TMEM132D: variants seen among roughly 807,000 people sequenced by gnomAD.
The protein encoded by TMEM132D is transmembrane protein 132D, also known as mature OL transmembrane protein.
TMEM132D carries 21 observed loss-of-function variants against 62.3 expected under a neutral mutation model. The ratio of observed to expected loss-of-function variants is 0.34; its 90% CI spans 0.24 to 0.49. TMEM132D has a LOEUF of 0.49. TMEM132D is among the 20% of genes least tolerant of loss of function. The pLI, the probability that TMEM132D is intolerant of heterozygous loss-of-function variation, is 0.99. For synonymous variants in TMEM132D, 621 were observed against 575.6 expected, an observed-to-expected ratio of 1.08 and a Z score of -1.13; for missense variants, 1,346 against 1,402.8, an observed-to-expected ratio of 0.96 and a Z score of 0.65.
intron 3 of TMEM132D, among the ~76,000 whole-genome samples, chr12:129,506,083 C>A (rs1480592040): frequency 6.6e-6 from 1 of 152,084 alleles, no homozygotes; most frequent in Non-Finnish European, 1.5e-5. Context: ...TGCCTGAATA[C>A]CTTGTTTTTT....
At chr12:129,721,528 C>T (rs549102180) in intron 1 of TMEM132D, among the ~76,000 whole-genome samples, 2 of 152,262 alleles carry the variant, frequency 1.3e-5, no homozygotes, top group Admixed American at 1.3e-4. Flanking sequence ...CTGGGAGGGG[C>T]CAGTGGGCAG....
intron 2 of TMEM132D, among the ~76,000 whole-genome samples, chr12:129,694,097 C>T (rs1256591684): frequency 2.0e-5 from 3 of 152,210 alleles, no homozygotes; most frequent in Admixed American, 6.5e-5. Flanking sequence ...CTCTATGGTG[C>T]ATTTCCTTTG....
chr12:129,271,719 G>A (rs539580548), intron 4 of TMEM132D, among the ~76,000 whole-genome samples: 1 of 151,940 alleles, frequency 6.6e-6, no homozygotes, highest in South Asian at 2.1e-4. Context: ...CTTTATCCAT[G>A]TCTCTGCAAA....
At chr12:129,250,628 A>G (rs149176787) in intron 4 of TMEM132D, among the ~76,000 whole-genome samples, 2 of 152,290 alleles carry the variant, frequency 1.3e-5, no homozygotes, top group African/African-American at 2.4e-5. Flanking sequence ...GCTTAATACA[A>G]TGTGTGATTC....
chr12:129,321,638 G>C (rs1292354557), intron 4 of TMEM132D, among the ~76,000 whole-genome samples: 1 of 151,794 alleles, frequency 6.6e-6, no homozygotes, highest in Non-Finnish European at 1.5e-5. Flanking sequence ...CTCACTGCAA[G>C]CTCCACCTCC....
intron 2 of TMEM132D, among the ~76,000 whole-genome samples, chr12:129,576,855 A>G (rs1207378909): frequency 2.0e-5 from 3 of 151,982 alleles, no homozygotes; most frequent in Non-Finnish European, 2.9e-5. Context: ...GAACGCTCGG[A>G]AAATCATAAG....
rs1184649538 is a variant in TMEM132D at position 129,398,830 on chromosome 12, G to C, written c.1116-61013C>G. 2.2e-4 allele frequency among the ~76,000 whole-genome samples: 29 copies of C among 133,906 alleles called. No homozygotes were observed. In the Admixed American group the frequency reaches 2.2e-3, roughly 10 times the overall value. The allele number at this position is 133,906 out of a possible 152,430, so 87.8% of individuals were successfully genotyped here. On this transcript the variant is annotated intron_variant, in intron 3 of 8. Coordinates refer to ENST00000422113, the MANE Select transcript of TMEM132D (RefSeq NM_133448.3). ...TCTTAGACAATGCATATCTATTTAT[G>C]TATTCATCCATCCATCCATCCATCC...
At chr12:129,516,304 G>A (rs1332744960) in intron 3 of TMEM132D, among the ~76,000 whole-genome samples, 1 of 152,162 alleles carries the variant, frequency 6.6e-6, no homozygotes, top group African/African-American at 2.4e-5. Context: ...CTCTGAACCT[G>A]CCTCCCCAGT....
intron 4 of TMEM132D, among the ~76,000 whole-genome samples, chr12:129,244,372 C>A (rs1247193669): frequency 1.8e-5 from 2 of 113,504 alleles, no homozygotes; most frequent in Non-Finnish European, 3.5e-5. Flanking sequence ...GGCGACAGAG[C>A]GAGACTCTGT....
At chr12:129,458,376 G>C (rs976294078) in intron 3 of TMEM132D, among the ~76,000 whole-genome samples, 15 of 149,364 alleles carry the variant, frequency 1.0e-4, no homozygotes, top group African/African-American at 3.7e-4. Flanking sequence ...GCTAGCATTT[G>C]CCTATATCAG....
chr12:129,627,983 T>C (rs534518781), intron 2 of TMEM132D, among the ~76,000 whole-genome samples: 3 of 152,276 alleles, frequency 2.0e-5, no homozygotes, highest in South Asian at 4.1e-4. Flanking sequence ...TGAGATCTTG[T>C]CTCCAAAAAA....
At chr12:129,710,282 A>G (rs184852329) in intron 1 of TMEM132D, among the ~76,000 whole-genome samples, 1 of 149,150 alleles carries the variant, frequency 6.7e-6, no homozygotes, top group Non-Finnish European at 1.5e-5. Context: ...GTCATTATTA[A>G]TTTTTATTTA....
At chr12:129,165,255 T>A (rs1328455655) in intron 5 of TMEM132D, among the ~76,000 whole-genome samples, 1 of 152,134 alleles carries the variant, frequency 6.6e-6, no homozygotes, top group Non-Finnish European at 1.5e-5. Context: ...TCTGCAGCAG[T>A]GGTAGTGATG....
intron 1 of TMEM132D, among the ~76,000 whole-genome samples, chr12:129,765,207 G>A (rs1042728071): frequency 6.6e-6 from 1 of 152,210 alleles, no homozygotes; most frequent in African/African-American, 2.4e-5. Flanking sequence ...TGATTCTGTG[G>A]AGGCAATTCT....
chr12:129,547,901 G>A (rs1464160607), intron 2 of TMEM132D, among the ~76,000 whole-genome samples: 5 of 152,156 alleles, frequency 3.3e-5, no homozygotes, highest in African/African-American at 9.6e-5. Flanking sequence ...GTGGGCGGCC[G>A]ACTCCAGGAG....
At chr12:129,866,933 A>G (rs1265562526) in intron 1 of TMEM132D, among the ~76,000 whole-genome samples, 1 of 152,150 alleles carries the variant, frequency 6.6e-6, no homozygotes, top group Non-Finnish European at 1.5e-5. Context: ...GTATATATAC[A>G]TGGAATATTA....
At chr12:129,257,865 G>A (rs1231602777) in intron 4 of TMEM132D, among the ~76,000 whole-genome samples, 1 of 152,188 alleles carries the variant, frequency 6.6e-6, no homozygotes, top group South Asian at 2.1e-4. Context: ...AGACCCTAGT[G>A]ACATTGCTTG....
intron 4 of TMEM132D, among the ~76,000 whole-genome samples, chr12:129,265,209 C>A (rs1404032728): frequency 6.6e-6 from 1 of 152,164 alleles, no homozygotes; most frequent in East Asian, 1.9e-4. Context: ...ATGGACCAGC[C>A]AGGGTCATGT....
At chr12:129,652,896 C>T (rs1879967650) in intron 2 of TMEM132D, among the ~76,000 whole-genome samples, 1 of 152,228 alleles carries the variant, frequency 6.6e-6, no homozygotes, top group Admixed American at 6.5e-5. Flanking sequence ...TGTCTGTTCA[C>T]ATGGTCTCTG....
Sources: gnomAD v4.1 joint callset for allele counts (sites outside exome capture counted in the v4.1 genomes callset) on GRCh38, gnomAD v4.1.1 for gene constraint, MANE v1.5 for transcripts, NCBI Gene and HGNC (gene_info 2026-07-23, HGNC 2026-07-21) for gene names.